RPS6KA5: variants seen among roughly 807,000 people sequenced by gnomAD.
The protein encoded by RPS6KA5 is ribosomal protein S6 kinase alpha-5.
A neutral mutation model predicts 85.5 loss-of-function variants in RPS6KA5; 27 were observed. The ratio of observed to expected loss-of-function variants is 0.32; its 90% CI spans 0.23 to 0.44. The LOEUF (loss-of-function observed/expected upper bound fraction) is 0.44. Among genes scored for constraint, RPS6KA5 ranks in the 20% least tolerant of loss-of-function variants. The pLI, the probability that RPS6KA5 is intolerant of heterozygous loss-of-function variation, is 1.00. For missense variants in RPS6KA5, 811 were observed against 980.9 expected (o/e 0.83, Z 2.31); for synonymous variants, 334 against 348.2 (o/e 0.96, Z 0.46).
At chr14:90,932,389 C>T (rs756354327) in intron 5 of RPS6KA5, among the ~76,000 whole-genome samples, 1 of 152,116 alleles carries the variant, frequency 6.6e-6, no homozygotes, top group Non-Finnish European at 1.5e-5. Context: ...ATCCTCCTAC[C>T]TCGGCCTCCC....
At chr14:90,957,208 G>T (rs1048675996) in intron 3 of RPS6KA5, among the ~76,000 whole-genome samples, 1 of 151,914 alleles carries the variant, frequency 6.6e-6, no homozygotes. Context: ...GGAATTACAG[G>T]TGCACACCAC....
Position 90,869,797 on chromosome 14 carries a change from T to A in RPS6KA5, c.*2277A>T, listed in dbSNP as rs2032985099. On this transcript the variant is annotated 3_prime_UTR_variant, in exon 17 of 17. Coordinates refer to ENST00000614987, the MANE Select transcript of RPS6KA5 (RefSeq NM_004755.4). ...TCAAACTTGGCATCAAATGCTGTCT[T>A]TTTGGTACTTATAAGTAGGGTGTAG... 1 of 152,162 alleles carries A rather than the reference T, an allele frequency of 6.6e-6. No homozygotes were observed. Among genetic ancestry groups the A allele is most frequent in the South Asian group, 2.1e-4 (1 of 4,830 alleles). 9.4% of individuals were successfully genotyped at this position (152,162 alleles called of 1,614,324 possible).
At chr14:90,961,352 G>A (rs189329774) in intron 3 of RPS6KA5, among the ~76,000 whole-genome samples, 169 of 152,310 alleles carry the variant, frequency 1.1e-3, no homozygotes, top group Non-Finnish European at 1.6e-3. Context: ...GATGATGAAC[G>A]TGTCTGACTC....
intron 2 of RPS6KA5, among the ~76,000 whole-genome samples, chr14:90,989,513 T>C (rs2040210962): frequency 6.6e-6 from 1 of 152,176 alleles, no homozygotes; most frequent in Non-Finnish European, 1.5e-5. Context: ...ATTCAGAGAA[T>C]ACTAAAGTCT....
In RPS6KA5 at chr14:90,851,681, G is replaced by GA. The variant is rs796430029; in HGVS notation, c.*20392dup. ...CTTCACTTAAAACCAAGGGTTCAGG[G>GA]AAAAAGGAAGGAATTAAGTGAGCTC... On this transcript the variant is annotated 3_prime_UTR_variant, in exon 17 of 17. Transcript: ENST00000614987. 1.3e-5 allele frequency: 2 copies of GA among 152,266 alleles called. No homozygotes were observed. The highest frequency in any genetic ancestry group is 2.1e-4 in the South Asian group (1 of 4,828). 9.4% of individuals were successfully genotyped at this position (152,266 alleles called of 1,614,324 possible).
rs77486488 is a variant in RPS6KA5 at position 90,985,486 on chromosome 14, C to T, written c.176-6962G>A. Among the ~76,000 whole-genome samples, 152 of 152,300 alleles carry T rather than the reference C, an allele frequency of 1.0e-3. 2 individuals are homozygous for T. The highest frequency in any genetic ancestry group is 3.5e-3 in the African/African-American group (144 of 41,550). On this transcript the variant is annotated intron_variant, in intron 2 of 16. Transcript: ENST00000614987. ...CTTGGACATGCTGTTCTCACTAGGA[C>T]CTGAATGGCTCAACCAAGGTGAGAG...
At chr14:90,950,261 G>C (rs1252181003) in intron 3 of RPS6KA5, among the ~76,000 whole-genome samples, 1 of 151,992 alleles carries the variant, frequency 6.6e-6, no homozygotes, top group Non-Finnish European at 1.5e-5. Context: ...TTTGATTTTT[G>C]TATGTTGATC....
chr14:90,984,732 G>A (rs2039984272), intron 2 of RPS6KA5, among the ~76,000 whole-genome samples: 1 of 152,130 alleles, frequency 6.6e-6, no homozygotes. Flanking sequence ...TGTGAACCAG[G>A]TTTTAAGCAC....
At chr14:90,969,217 C>T (rs1566806980) in intron 3 of RPS6KA5, among the ~76,000 whole-genome samples, 1 of 152,150 alleles carries the variant, frequency 6.6e-6, no homozygotes, top group Non-Finnish European at 1.5e-5. Flanking sequence ...TCTTAAGCAA[C>T]TCATATCATT....
chr14:90,902,876 C>G lies in RPS6KA5; in HGVS notation c.1051G>C (p.Glu351Gln). 6.2e-7 allele frequency: 1 copy of G among 1,614,074 alleles called. No individual in the cohort carries two copies. The highest frequency in any genetic ancestry group is 1.1e-5 in the South Asian group (1 of 91,070). The stretch of plus-strand genomic sequence containing the variant: ...TAAGTGGGATCCATTTCTGTGAACT[C>G]TTCTGCAAAGTTACTCACATCTAAT... ...DELDVSNFAE[E>Q]FTEMDPTYSP... The change falls in exon 9 of 17, where the codon GAG becomes CAG. Residue 351 changes from glutamate to glutamine, a missense_variant. Around this residue, in one of 3 missense-constraint regions of RPS6KA5, gnomAD observed 650 missense variants for 793.4 expected, o/e 0.82. Coordinates refer to ENST00000614987, the MANE Select transcript of RPS6KA5 (RefSeq NM_004755.4).
intron 4 of RPS6KA5, among the ~76,000 whole-genome samples, chr14:90,944,780 G>A (rs1231969765): frequency 6.6e-6 from 1 of 151,010 alleles, no homozygotes; most frequent in Admixed American, 6.6e-5. Context: ...TTAGCTGGGT[G>A]TGGTGGCACA....
rs375376485 is a variant in RPS6KA5 at position 90,958,605 on chromosome 14, CTG to C, written c.395-11057_395-11056del. Among the ~76,000 whole-genome samples, 1,202 of 152,194 alleles carry C rather than the reference CTG, an allele frequency of 7.9e-3. 10 individuals carry two copies. Among genetic ancestry groups the C allele is most frequent in the Non-Finnish European group, 0.011 (742 of 68,012 alleles). ...ATGTTTAATCTCTCTGAATCTAAATCTGTGTTTTAAAAGAATATATCTTCCTA... is the reference window on the plus strand; with the variant it reads ...ATGTTTAATCTCTCTGAATCTAAATCTGTTTTAAAAGAATATATCTTCCTA... On this transcript the variant is annotated intron_variant, in intron 3 of 16. Transcript: ENST00000614987.
chr14:91,041,235 G>A (rs1216124789), intron 1 of RPS6KA5, among the ~76,000 whole-genome samples: 4 of 152,270 alleles, frequency 2.6e-5, no homozygotes, highest in Non-Finnish European at 5.9e-5. Flanking sequence ...GCTTGGATTC[G>A]CTTTCAATAT....
At chr14:90,909,788 AATT>A (rs925926716) in intron 7 of RPS6KA5, among the ~76,000 whole-genome samples, 5 of 152,072 alleles carry the variant, frequency 3.3e-5, no homozygotes, top group East Asian at 1.9e-4. Flanking sequence ...TAAAAACTTG[AATT>A]ATTATTATTA....
At chr14:91,038,279 G>C (rs2042476728) in intron 1 of RPS6KA5, among the ~76,000 whole-genome samples, 2 of 152,166 alleles carry the variant, frequency 1.3e-5, no homozygotes, top group South Asian at 4.1e-4. Context: ...GGGTGTATGA[G>C]AGGTAGGACC....
chr14:91,002,334 G>A (rs193174032), intron 1 of RPS6KA5, among the ~76,000 whole-genome samples: 1 of 152,094 alleles, frequency 6.6e-6, no homozygotes, highest in Admixed American at 6.5e-5. Context: ...GCAGAATTTA[G>A]GTAGTGAGTA....
chr14:90,996,444 T>C (rs1011678810), intron 2 of RPS6KA5, among the ~76,000 whole-genome samples: 1 of 152,184 alleles, frequency 6.6e-6, no homozygotes, highest in East Asian at 1.9e-4. Flanking sequence ...ATTTTAATAG[T>C]GTCCTTGAAA....
At chr14:90,939,579 G>A (rs2037461646) in intron 5 of RPS6KA5, among the ~76,000 whole-genome samples, 2 of 152,198 alleles carry the variant, frequency 1.3e-5, no homozygotes, top group African/African-American at 4.8e-5. Flanking sequence ...ATGGTGGAAG[G>A]CAAGAAGGAG....
intron 3 of RPS6KA5, among the ~76,000 whole-genome samples, chr14:90,967,440 GT>G (rs2039124142): frequency 6.6e-6 from 1 of 152,092 alleles, no homozygotes; most frequent in Non-Finnish European, 1.5e-5. Context: ...ACAGGCATCA[GT>G]TACAATTTAT....
Sources: allele counts gnomAD v4.1 joint callset (sites outside exome capture counted in the v4.1 genomes callset), GRCh38; gene constraint gnomAD v4.1.1; regional missense constraint gnomAD v4.1.1; transcripts MANE v1.5; gene names NCBI Gene and HGNC (gene_info 2026-07-23, HGNC 2026-07-21).